MICAL2: variants seen among roughly 807,000 people sequenced by gnomAD.
MICAL2 encodes the protein microtubule associated monooxygenase, calponin and LIM domain containing 2.
Under a neutral mutation model 127.3 loss-of-function variants are expected in MICAL2, and 77 were observed. The ratio of observed to expected loss-of-function variants is 0.60; its 90% CI spans 0.50 to 0.73. The LOEUF is 0.73. Ranked by LOEUF, MICAL2 falls within the 30% of genes least tolerant of loss-of-function variation. The pLI, the probability that MICAL2 is intolerant of heterozygous loss-of-function variation, is 0.00. For synonymous variants in MICAL2, 570 were observed against 551.1 expected (o/e 1.03, Z -0.48); for missense variants, 1,351 against 1,434.4 (o/e 0.94, Z 0.94).
intron 2 of MICAL2, among the ~76,000 whole-genome samples, chr11:12,160,103 G>C (rs1021235401): frequency 6.6e-6 from 1 of 152,148 alleles, no homozygotes; most frequent in Non-Finnish European, 1.5e-5. Context: ...CAGGCACCTC[G>C]GAAGCTCTCC....
intron 1 of MICAL2, among the ~76,000 whole-genome samples, chr11:12,278,606 C>G (rs1863742993): frequency 6.6e-6 from 1 of 152,222 alleles, no homozygotes; most frequent in South Asian, 2.1e-4. Flanking sequence ...TTTCACAGAT[C>G]AGCAGGCCTC....
At chr11:12,283,442 A>C (rs1406392182) in intron 2 of MICAL2, among the ~76,000 whole-genome samples, 2 of 152,234 alleles carry the variant, frequency 1.3e-5, no homozygotes, top group Admixed American at 1.3e-4. Context: ...AATGTTCAAC[A>C]GACAAATGGA....
chr11:12,119,654 C>A (rs550643153), intron 1 of MICAL2, among the ~76,000 whole-genome samples: 23 of 152,292 alleles, frequency 1.5e-4, no homozygotes, highest in African/African-American at 5.5e-4. Flanking sequence ...AGGCCGCCTG[C>A]GGATTGGCTG....
At chr11:12,126,426 G>A (rs1850925329) in intron 1 of MICAL2, among the ~76,000 whole-genome samples, 1 of 152,162 alleles carries the variant, frequency 6.6e-6, no homozygotes, top group Non-Finnish European at 1.5e-5. Flanking sequence ...AACATCCTTT[G>A]AAAACATAGG....
intron 3 of MICAL2, among the ~76,000 whole-genome samples, chr11:12,169,374 T>A (rs923656419): frequency 6.8e-5 from 4 of 58,942 alleles, no homozygotes; most frequent in African/African-American, 9.8e-5. Flanking sequence ...AATAGCACCA[T>A]CTCTTTTATT....
intron 34 of MICAL2, among the ~76,000 whole-genome samples, chr11:12,357,374 TC>T (rs1263506999): frequency 6.6e-6 from 1 of 152,004 alleles, no homozygotes; most frequent in Admixed American, 6.6e-5. Context: ...CAATCCTATC[TC>T]CCCCAGGCAA....
intron 24 of MICAL2, chr11:12,257,173 A>G (rs980170802): frequency 1.2e-5 from 7 of 587,020 alleles, no homozygotes; most frequent in Non-Finnish European, 2.0e-5. Context: ...AAGGGGTAGC[A>G]TCAGCACTGT....
intron 3 of MICAL2, among the ~76,000 whole-genome samples, chr11:12,193,893 A>G (rs1192863906): frequency 6.6e-6 from 1 of 152,228 alleles, no homozygotes; most frequent in Non-Finnish European, 1.5e-5. Flanking sequence ...ATGGAGTCAG[A>G]GTTCAGCACA....
intron 32 of MICAL2, among the ~76,000 whole-genome samples, chr11:12,337,942 C>T (rs36163435): frequency 0.079 from 12,039 of 152,060 alleles, 732 homozygotes; most frequent in African/African-American, 0.16. Context: ...TGATTTGGGG[C>T]GGAGAGTTCT....
At chr11:12,256,589 A>T in intron 23 of MICAL2, 196 bp from the exon 24 acceptor site, 1 of 517,500 alleles carries the variant, frequency 1.9e-6, no homozygotes, top group Non-Finnish European at 3.4e-6. Context: ...TACAGTTAAC[A>T]GAAGCCCCTG....
intron 32 of MICAL2, among the ~76,000 whole-genome samples, chr11:12,335,867 T>G (rs2134870601): frequency 6.6e-6 from 1 of 152,318 alleles, no homozygotes; most frequent in Non-Finnish European, 1.5e-5. Flanking sequence ...CCTTGTAGTA[T>G]AGTTTGAAGT....
downstream of MICAL2, among the ~76,000 whole-genome samples, chr11:12,289,600 A>G (rs1436318284): frequency 1.6e-5 from 2 of 122,308 alleles, no homozygotes; most frequent in Non-Finnish European, 3.2e-5. Context: ...ATGGGGTCTC[A>G]CTTGGTCACC....
chr11:12,323,992 TAGA>T, exon 31 of MICAL2: 2 of 1,609,690 alleles, frequency 1.2e-6, no homozygotes, highest in Middle Eastern at 1.7e-4. Flanking sequence ...AGAAGACACT[TAGA>T]AGAAGAAAGA....
intron 16 of MICAL2, among the ~76,000 whole-genome samples, chr11:12,238,332 C>G (rs11022260): frequency 0.16 from 24,846 of 152,188 alleles, 2,964 homozygotes; most frequent in East Asian, 0.52. Flanking sequence ...CAATTTTTCA[C>G]TGTTAGCAGA....
At chr11:12,193,143 A>G (rs1035524053) in intron 3 of MICAL2, among the ~76,000 whole-genome samples, 7 of 152,186 alleles carry the variant, frequency 4.6e-5, no homozygotes, top group Admixed American at 3.3e-4. Context: ...AATCATGTTC[A>G]GACTCCTAAG....
intron 16 of MICAL2, among the ~76,000 whole-genome samples, chr11:12,237,028 A>G (rs763127424): frequency 6.6e-6 from 1 of 152,116 alleles, no homozygotes; most frequent in African/African-American, 2.4e-5. Context: ...TCTACTGTTT[A>G]TGGTCGAAGA....
At chr11:12,345,506 G>A (rs954377316) in intron 32 of MICAL2, among the ~76,000 whole-genome samples, 1 of 152,182 alleles carries the variant, frequency 6.6e-6, no homozygotes. Context: ...AAATGTACAG[G>A]ATGCCCATTT....
At chr11:12,347,472 T>C (rs2134894225) in intron 32 of MICAL2, among the ~76,000 whole-genome samples, 1 of 152,142 alleles carries the variant, frequency 6.6e-6, no homozygotes, top group South Asian at 2.1e-4. Flanking sequence ...ACATAGGAGG[T>C]GTCTGATAGA....
chr11:12,242,205 C>CT lies in MICAL2; in HGVS notation c.2338-6dup, dbSNP rs1482755776. On this transcript the variant is annotated splice_polypyrimidine_tract_variant and intron_variant, in intron 18 of 27. Coordinates refer to ENST00000683283, the MANE Select transcript of MICAL2 (RefSeq NM_001282663.2). ...TAGGGAAGGAAGCTTAATTTTCCCT[C>CT]TTTCCCAGTTCCCCTCTGTGGTCGT... The CT allele has an allele frequency of 6.3e-7, 1 of 1,593,356 alleles. No individual in the cohort carries two copies. Among genetic ancestry groups the CT allele is most frequent in the African/African-American group, 1.3e-5 (1 of 74,448 alleles).
Sources: allele counts gnomAD v4.1 joint callset (sites outside exome capture counted in the v4.1 genomes callset), GRCh38; gene constraint gnomAD v4.1.1; transcripts MANE v1.5; gene names NCBI Gene and HGNC (gene_info 2026-07-23, HGNC 2026-07-21).